CSMD1: variants seen among roughly 807,000 people sequenced by gnomAD.
CSMD1 encodes CUB and Sushi multiple domains 1.
A neutral mutation model predicts 417.5 loss-of-function variants in CSMD1; 213 were observed. That is an observed-to-expected ratio of 0.51 (90% confidence interval 0.46 to 0.57). The LOEUF is 0.57. CSMD1 is among the 20% of genes least tolerant of loss of function. The pLI is 0.00. For synonymous variants in CSMD1, 2,862 were observed against 1,736.8 expected (o/e 1.65, Z -16.11); for missense variants, 6,923 against 4,529.7 (o/e 1.53, Z -15.17).
intron 17 of CSMD1, among the ~76,000 whole-genome samples, chr8:3,395,606 C>A (rs1811641931): frequency 6.6e-6 from 1 of 152,128 alleles, no homozygotes; most frequent in Non-Finnish European, 1.5e-5. Context: ...AATATTTTGA[C>A]AATTGTTTTA....
chr8:3,239,518 T>C (rs1179758128), intron 26 of CSMD1, among the ~76,000 whole-genome samples: 6 of 152,208 alleles, frequency 3.9e-5, no homozygotes, highest in Non-Finnish European at 8.8e-5. Context: ...GTAAAGCTAA[T>C]TTGCCAGTCT....
At chr8:3,537,330 T>A (rs1798245656) in intron 10 of CSMD1, among the ~76,000 whole-genome samples, 1 of 152,254 alleles carries the variant, frequency 6.6e-6, no homozygotes, top group African/African-American at 2.4e-5. Flanking sequence ...ATGACTCATA[T>A]TCCTATCACC....
chr8:3,366,991 T>C lies in CSMD1; in HGVS notation c.3115+41A>G, dbSNP rs773272008. ...ATTCTCACTAACAGAAATGGCAGTA[T>C]TGTTGCCAGAGGAGAGAAACAGCAA... is the stretch of plus-strand genomic sequence containing the variant. On this transcript the variant is annotated intron_variant, in intron 20 of 69. Coordinates refer to ENST00000635120, the MANE Select transcript of CSMD1 (RefSeq NM_033225.6). 5.5e-6 allele frequency: 8 copies of C among 1,454,374 alleles called. No homozygotes were observed. In the East Asian group the frequency reaches 1.1e-4, roughly 21 times the overall value. 90.1% of individuals were successfully genotyped at this position (1,454,374 alleles called of 1,614,324 possible).
intron 3 of CSMD1, among the ~76,000 whole-genome samples, chr8:4,153,660 C>G (rs1033787746): frequency 1.3e-5 from 2 of 152,188 alleles, no homozygotes; most frequent in African/African-American, 2.4e-5. Context: ...TTTATTTTCT[C>G]ATAACGTCAC....
At chr8:4,171,321 G>A (rs981125344) in intron 3 of CSMD1, among the ~76,000 whole-genome samples, 6 of 151,884 alleles carry the variant, frequency 4.0e-5, no homozygotes, top group Non-Finnish European at 5.9e-5. Context: ...TTTTCCAGGT[G>A]TAGGGATTAC....
intron 36 of CSMD1, among the ~76,000 whole-genome samples, chr8:3,186,574 A>G (rs1422423752): frequency 1.3e-5 from 2 of 152,220 alleles, no homozygotes; most frequent in African/African-American, 2.4e-5. Context: ...TGGAAGTTGT[A>G]TCAGACACTG....
chr8:4,164,624 A>G lies in CSMD1; in HGVS notation c.416-132525T>C, dbSNP rs574542607. Among the ~76,000 whole-genome samples, 14 of 152,312 alleles carry G rather than the reference A, an allele frequency of 9.2e-5. No individual in the cohort carries two copies. The South Asian group carries it at 1.0e-3, about 11-fold the overall frequency. ...TTATTTAGGTACCTTATTGGTTTACATACTTCTGTGATTGAGTCCCTCACA... is the reference window on the plus strand; with the variant it reads ...TTATTTAGGTACCTTATTGGTTTACGTACTTCTGTGATTGAGTCCCTCACA... On this transcript the variant is annotated intron_variant, in intron 3 of 69. Coordinates refer to ENST00000635120, the MANE Select transcript of CSMD1 (RefSeq NM_033225.6).
chr8:4,425,195 T>G (rs889968267), intron 2 of CSMD1, among the ~76,000 whole-genome samples: 1 of 151,808 alleles, frequency 6.6e-6, no homozygotes, highest in Non-Finnish European at 1.5e-5. Flanking sequence ...TACGAAGGGG[T>G]GTGGTCAAAT....
chr8:3,064,257 T>C (rs180872069), intron 49 of CSMD1, among the ~76,000 whole-genome samples: 6 of 152,332 alleles, frequency 3.9e-5, no homozygotes, highest in Non-Finnish European at 7.3e-5. Context: ...CCAAATCTCA[T>C]GTTGAATTGG....
intron 1 of CSMD1, among the ~76,000 whole-genome samples, chr8:4,908,334 G>T (rs1004723852): frequency 6.6e-6 from 1 of 152,158 alleles, no homozygotes; most frequent in Admixed American, 6.5e-5. Context: ...GGTAGGTGTA[G>T]ATAATTTGGG....
intron 23 of CSMD1, among the ~76,000 whole-genome samples, chr8:3,323,232 C>A (rs889564226): frequency 2.6e-5 from 4 of 152,198 alleles, no homozygotes; most frequent in African/African-American, 9.7e-5. Context: ...AAAAACCTAA[C>A]ACAAATGACA....
intron 5 of CSMD1, among the ~76,000 whole-genome samples, chr8:3,893,076 T>C (rs1467037386): frequency 6.6e-6 from 1 of 151,712 alleles, no homozygotes; most frequent in Non-Finnish European, 1.5e-5. Context: ...GCTGGAGAAA[T>C]GCTGGAATTA....
intron 46 of CSMD1, among the ~76,000 whole-genome samples, chr8:3,102,659 A>G (rs970898272): frequency 4.6e-5 from 7 of 152,372 alleles, no homozygotes; most frequent in Admixed American, 4.6e-4. Flanking sequence ...ACTCTCACCA[A>G]TGCAGGCCTC....
chr8:4,802,558 TA>T lies in CSMD1; in HGVS notation c.86-165001del, dbSNP rs749516743. Among the ~76,000 whole-genome samples the T allele has an allele frequency of 2.6e-5, 4 of 152,306 alleles. No homozygotes were observed. The East Asian group carries it at 7.7e-4, about 29-fold the overall frequency. The stretch of plus-strand genomic sequence containing the variant: ...AACTTGAAACTTTATAATTTCAAAC[TA>T]TAGTTTATGAAGAGATCACAATGTT... On this transcript the variant is annotated intron_variant, in intron 1 of 69. Coordinates refer to ENST00000635120, the MANE Select transcript of CSMD1 (RefSeq NM_033225.6).
At chr8:4,555,309 G>C (rs1798038400) in intron 2 of CSMD1, among the ~76,000 whole-genome samples, 1 of 152,130 alleles carries the variant, frequency 6.6e-6, no homozygotes, top group South Asian at 2.1e-4. Context: ...TGGCATGTTT[G>C]GGAGATGCTC....
chr8:3,167,919 AC>A lies in CSMD1; in HGVS notation c.5726-5643del. On this transcript the variant is annotated intron_variant, in intron 37 of 69. Transcript: ENST00000635120. ...AAAATGATTTTAGAACACATGATAA[AC>A]ATGCAATTTTAATCAAATACTTAAA... 1.3e-5 allele frequency among the ~76,000 whole-genome samples: 2 copies of A among 152,348 alleles called. 1 individual carries two copies. The highest frequency in any genetic ancestry group is 4.1e-4 in the South Asian group (2 of 4,830).
At position 4,628,123 on chromosome 8, in the gene CSMD1, G is replaced by GTATATA. The variant is rs34664052; in HGVS notation, c.302+9213_302+9218dup. Among the ~76,000 whole-genome samples the GTATATA allele has an allele frequency of 3.6e-4, 54 of 148,124 alleles. No individual in the cohort carries two copies. In the South Asian group the frequency reaches 6.8e-3, roughly 19 times the overall value. On this transcript the variant is annotated intron_variant, in intron 2 of 69. Coordinates refer to ENST00000635120, the MANE Select transcript of CSMD1 (RefSeq NM_033225.6). ...ACCATATATATACTTCTGTGTGTGT[G>GTATATA]TATATATATATATATATGTACACAG...
At position 2,998,028 on chromosome 8, in the gene CSMD1, G is replaced by C. The variant is rs370586140; in HGVS notation, c.8360C>G (p.Pro2787Arg). ...GTTCCTACCTCGACACGTGGGCAGA[G>C]GGCTACTCCACTGGCCGTTGCTCCG... ...QCRSNGQWSS[P>R]LPTCRVVNCS... is the part of the protein sequence containing the mutation. Residue 2787 changes from proline to arginine, a missense_variant, in exon 54 of 70, where the codon CCT becomes CGT. Coordinates refer to ENST00000635120, the MANE Select transcript of CSMD1 (RefSeq NM_033225.6). The C allele has an allele frequency of 1.9e-5, 31 of 1,613,884 alleles. No individual in the cohort carries two copies. The African/African-American group carries it at 3.2e-4, about 17-fold the overall frequency.
intron 12 of CSMD1, among the ~76,000 whole-genome samples, chr8:3,445,601 A>T (rs926459477): frequency 7.9e-5 from 12 of 152,186 alleles, no homozygotes; most frequent in African/African-American, 2.9e-4. Context: ...ACAGACCACA[A>T]TAAAGAAGGC....
Sources: gnomAD v4.1 joint callset for allele counts (sites outside exome capture counted in the v4.1 genomes callset) on GRCh38, gnomAD v4.1.1 for gene constraint, MANE v1.5 for transcripts, NCBI Gene and HGNC (gene_info 2026-07-23, HGNC 2026-07-21) for gene names.